Variants in PPP1R37 observed in about 807,000 individuals in gnomAD.
The protein encoded by PPP1R37 is leucine rich repeat containing 68.
In PPP1R37, 21 loss-of-function variants were observed where a neutral mutation model predicts 61.0. The ratio of observed to expected loss-of-function variants is 0.34; its 90% confidence interval spans 0.24 to 0.50. The LOEUF (loss-of-function observed/expected upper bound fraction) is 0.50. Among genes scored for constraint, PPP1R37 ranks in the 20% least tolerant of loss-of-function variants. The pLI is 0.98. For synonymous variants in PPP1R37, 443 were observed against 433.5 expected (o/e 1.02, Z -0.27); for missense variants, 910 against 952.7 (o/e 0.96, Z 0.59).
rs1968459980 is a variant in PPP1R37 at position 45,130,328 on chromosome 19, C to T, written c.203-8186C>T. ...GAATCCATCCTGTTGCTGCTCTGCC[C>T]CTCGCCCCCAGTGGCTCCGGTCTCC... On this transcript the variant is annotated intron_variant, in intron 1 of 12. Coordinates refer to ENST00000221462, the MANE Select transcript of PPP1R37 (RefSeq NM_019121.2). This position sits in a 1 kb window ranked among gnomAD's most constrained non-coding sequence, Gnocchi z 4.4. Among the ~76,000 whole-genome samples, 1 of 152,166 alleles carries T rather than the reference C, an allele frequency of 6.6e-6. No individual in the cohort carries two copies. The highest frequency in any genetic ancestry group is 1.5e-5 in the Non-Finnish European group (1 of 68,030).
intron 1 of PPP1R37, among the ~76,000 whole-genome samples, chr19:45,102,038 C>T (rs1376206967): frequency 1.3e-5 from 2 of 152,212 alleles, no homozygotes; most frequent in South Asian, 2.1e-4. Flanking sequence ...CCCCAGCCAG[C>T]GTGTCCTTGG....
At chr19:45,141,230 A>C in intron 4 of PPP1R37, 92 bp from the exon 5 acceptor site, 1 of 1,403,432 alleles carries the variant, frequency 7.1e-7, no homozygotes, top group Non-Finnish European at 9.4e-7. Flanking sequence ...CCCTGGACCC[A>C]TCGTCTCTCG....
intron 1 of PPP1R37, among the ~76,000 whole-genome samples, chr19:45,112,768 G>C (rs1340328889): frequency 6.6e-6 from 1 of 152,240 alleles, no homozygotes; most frequent in African/African-American, 2.4e-5. Flanking sequence ...ACCAGGATTA[G>C]GGTTGTCTTG....
rs1358428518 is a variant in PPP1R37 at position 45,130,790 on chromosome 19, A to G, written c.203-7724A>G. 6.6e-6 allele frequency among the ~76,000 whole-genome samples: 1 copy of G among 152,172 alleles called. No individual in the cohort carries two copies. Among genetic ancestry groups the G allele is most frequent in the East Asian group, 1.9e-4 (1 of 5,196 alleles). The stretch of plus-strand genomic sequence containing the variant: ...GACGTCCCGATTTCATGTGGTGGAC[A>G]CTGGGGCATGGGAAGGTCATTTCCA... On this transcript the variant is annotated intron_variant, in intron 1 of 12. Transcript: ENST00000221462. The surrounding 1 kb of genome is among the most constrained non-coding windows in gnomAD (Gnocchi z 4.4).
At chr19:45,103,337 G>C (rs1414873294) in intron 1 of PPP1R37, among the ~76,000 whole-genome samples, 2 of 152,252 alleles carry the variant, frequency 1.3e-5, no homozygotes, top group Non-Finnish European at 2.9e-5. Context: ...GGAAGCCTGG[G>C]TCGGGAGCCC....
intron 1 of PPP1R37, among the ~76,000 whole-genome samples, chr19:45,113,115 G>A (rs78540087): frequency 0.013 from 1,916 of 152,296 alleles, 40 homozygotes; most frequent in African/African-American, 0.044. Context: ...GGGGATGTGC[G>A]GCTGGCAGGG....
At chr19:45,138,887 T>C (rs1318823005) in intron 2 of PPP1R37, among the ~76,000 whole-genome samples, 1 of 151,230 alleles carries the variant, frequency 6.6e-6, no homozygotes, top group East Asian at 1.9e-4. Context: ...TGAGTCTGAA[T>C]TACAAAATTT....
At chr19:45,125,556 C>G (rs750741621) in intron 1 of PPP1R37, among the ~76,000 whole-genome samples, 1 of 152,212 alleles carries the variant, frequency 6.6e-6, no homozygotes, top group Non-Finnish European at 1.5e-5. Context: ...GCCAGTAGCT[C>G]TAGAAATGGG....
chr19:45,140,426 G>GT, intron 3 of PPP1R37, 80 bp from the exon 4 acceptor site: 1 of 1,063,690 alleles, frequency 9.4e-7, no homozygotes, highest in Non-Finnish European at 1.3e-6. Context: ...TGGGGGGTGG[G>GT]AGGTTGGGGG....
At chr19:45,114,910 C>T (rs1968245608) in intron 1 of PPP1R37, among the ~76,000 whole-genome samples, 1 of 152,142 alleles carries the variant, frequency 6.6e-6, no homozygotes, top group Non-Finnish European at 1.5e-5. Context: ...CTTATGGAGG[C>T]CATAAAGGAA....
chr19:45,145,464 C>T lies in PPP1R37; in HGVS notation c.1408C>T (p.Leu470=). The T allele has an allele frequency of 1.3e-6, 2 of 1,535,102 alleles. No homozygotes were observed. Among genetic ancestry groups the T allele is most frequent in the Non-Finnish European group, 1.7e-6 (2 of 1,146,576 alleles). The change falls in exon 11 of 13, where the codon CTG becomes TTG. Residue 470 remains leucine, a synonymous_variant. Coordinates refer to ENST00000221462, the MANE Select transcript of PPP1R37 (RefSeq NM_019121.2). ...GGAGGAGAAGGAGCAGCCGCCACAG[C>T]TGTCGGCCTCCATGCCTGAGACCAC... ...EREEKEQPPQ[L]SASMPETTAT...
rs990187798 is a variant in PPP1R37 at position 45,130,443 on chromosome 19, C to T, written c.203-8071C>T. On this transcript the variant is annotated intron_variant, in intron 1 of 12. Coordinates refer to ENST00000221462, the MANE Select transcript of PPP1R37 (RefSeq NM_019121.2). The surrounding 1 kb of genome is among the most constrained non-coding windows in gnomAD (Gnocchi z 4.4). Reference sequence around the variant, plus strand: ...CTCCCCTCCCGGTGTGCTTTGGCGCCGAGCCTGCTCCCACCGTCACACTTA... The same window carrying T: ...CTCCCCTCCCGGTGTGCTTTGGCGCTGAGCCTGCTCCCACCGTCACACTTA... Among the ~76,000 whole-genome samples the T allele has an allele frequency of 2.0e-4, 30 of 151,984 alleles. No individual in the cohort carries two copies. The highest frequency in any genetic ancestry group is 1.9e-3 in the Admixed American group (29 of 15,254).
intron 3 of PPP1R37, 91 bp downstream of exon 3, chr19:45,140,372 C>A: frequency 8.9e-7 from 1 of 1,126,924 alleles, no homozygotes; most frequent in Non-Finnish European, 1.2e-6. Context: ...CTGGGGTTAG[C>A]GGCTTCTGGA....
At chr19:45,104,180 C>A (rs2122711977) in intron 1 of PPP1R37, among the ~76,000 whole-genome samples, 1 of 152,324 alleles carries the variant, frequency 6.6e-6, no homozygotes, top group Middle Eastern at 3.4e-3. Flanking sequence ...TTCTCTAATC[C>A]CCGGACAAAG....
chr19:45,116,019 C>T (rs1232070678), intron 1 of PPP1R37, among the ~76,000 whole-genome samples: 1 of 151,516 alleles, frequency 6.6e-6, no homozygotes, highest in Non-Finnish European at 1.5e-5. Flanking sequence ...GACTCGGGTG[C>T]TTAGCACACT....
rs1005677918 is a variant in PPP1R37, at chr19:45,130,634, C to T, written c.203-7880C>T. Among the ~76,000 whole-genome samples, 5 of 152,206 alleles carry T rather than the reference C, an allele frequency of 3.3e-5. No individual in the cohort carries two copies. The highest frequency in any genetic ancestry group is 2.6e-4 in the Admixed American group (4 of 15,284). ...TGTTCATTCCAAAATAACAAAATAACACCTGCATTGCAAAGCGTGGTTATT... is the reference window on the plus strand; with the variant it reads ...TGTTCATTCCAAAATAACAAAATAATACCTGCATTGCAAAGCGTGGTTATT... On this transcript the variant is annotated intron_variant, in intron 1 of 12. Coordinates refer to ENST00000221462, the MANE Select transcript of PPP1R37 (RefSeq NM_019121.2). The surrounding 1 kb of genome is among the most constrained non-coding windows in gnomAD (Gnocchi z 4.4).
intron 1 of PPP1R37, chr19:45,136,938 C>T (rs1204022245): frequency 6.6e-6 from 1 of 152,376 alleles, no homozygotes; most frequent in Middle Eastern, 3.4e-3. Context: ...CCTGGCCTAG[C>T]AGGGTGGCAG....
At chr19:45,123,330 G>A (rs991622879) in intron 1 of PPP1R37, among the ~76,000 whole-genome samples, 1 of 152,182 alleles carries the variant, frequency 6.6e-6, no homozygotes, top group African/African-American at 2.4e-5. Flanking sequence ...TGGAGGCTGG[G>A]TCTTCCTGCA....
chr19:45,106,459 A>G (rs1005893788), intron 1 of PPP1R37, among the ~76,000 whole-genome samples: 2 of 151,792 alleles, frequency 1.3e-5, no homozygotes, highest in Non-Finnish European at 2.9e-5. Context: ...GGCTGGGCTG[A>G]TCTCGAACTC....
Sources: allele counts gnomAD v4.1 joint callset (sites outside exome capture counted in the v4.1 genomes callset), GRCh38; gene constraint gnomAD v4.1.1; non-coding constraint Gnocchi (gnomAD v3.1); transcripts MANE v1.5; gene names NCBI Gene and HGNC (gene_info 2026-07-23, HGNC 2026-07-21).